The following TTC39C variants were observed in gnomAD, a reference collection of about 807,000 sequenced individuals.
The protein encoded by TTC39C is tetratricopeptide repeat protein 39C.
A neutral mutation model predicts 76.3 loss-of-function variants in TTC39C; 33 were observed. That is an observed-to-expected ratio of 0.43 (90% CI 0.33 to 0.58). TTC39C has a LOEUF of 0.58. TTC39C is among the 20% of genes least tolerant of loss of function. TTC39C has a pLI of 0.04. For synonymous variants in TTC39C, 254 were observed against 260.6 expected (o/e 0.97, Z 0.24); for missense variants, 595 against 701.4 (o/e 0.85, Z 1.71).
chr18:24,007,337 A>C (rs572538555), intron 1 of TTC39C, among the ~76,000 whole-genome samples: 16 of 152,304 alleles, frequency 1.1e-4, no homozygotes, highest in African/African-American at 3.8e-4. Context: ...AGCAGAAATA[A>C]TTCAGGTCCA....
At chr18:24,061,945 G>A (rs181204773) in intron 1 of TTC39C, among the ~76,000 whole-genome samples, 4 of 152,264 alleles carry the variant, frequency 2.6e-5, no homozygotes, top group East Asian at 1.9e-4. Flanking sequence ...ATGTTAGGTC[G>A]AGCTCTTCTA....
At position 24,045,352 on chromosome 18, in the gene TTC39C, AT is replaced by A. The variant is rs551302833; in HGVS notation, c.168-18785del. ...CATTGTAACAAGGGGGCCAGGGGGG[AT>A]TTGTGTGCACAGCAAAGTATAAGGC... On this transcript the variant is annotated intron_variant, in intron 1 of 13. Coordinates refer to ENST00000317571, the MANE Select transcript of TTC39C (RefSeq NM_001135993.2). Among the ~76,000 whole-genome samples, 249 of 150,836 alleles carry A rather than the reference AT, an allele frequency of 1.7e-3. 1 individual carries two copies. Among genetic ancestry groups the A allele is most frequent in the Admixed American group, 4.0e-3 (60 of 15,048 alleles).
At chr18:24,046,378 T>C (rs1391796004) in intron 1 of TTC39C, among the ~76,000 whole-genome samples, 2 of 151,922 alleles carry the variant, frequency 1.3e-5, no homozygotes, top group Non-Finnish European at 2.9e-5. Flanking sequence ...TCTTGTTTAC[T>C]GATTATATCC....
In TTC39C at chr18:24,080,534, A is replaced by C. The variant is rs964117564; in HGVS notation, c.461-51A>C. ...GTTCAGTATCCTTTACTATAGAAAT[A>C]GAAAAATTATTTTGAATGTTTTTGA... On this transcript the variant is annotated intron_variant, in intron 4 of 13. Transcript: ENST00000317571. 4 of 1,407,756 alleles carry C rather than the reference A, an allele frequency of 2.8e-6. No individual in the cohort carries two copies. The African/African-American group carries it at 5.8e-5, about 20-fold the overall frequency. The allele number at this position is 1,407,756 out of a possible 1,614,324, so 87.2% of individuals were successfully genotyped here.
chr18:24,109,529 G>A (rs1386222911), intron 6 of TTC39C, among the ~76,000 whole-genome samples: 1 of 152,044 alleles, frequency 6.6e-6, no homozygotes, highest in Non-Finnish European at 1.5e-5. Flanking sequence ...AAATTATGGC[G>A]ATTTAAACAT....
At chr18:24,112,987 T>G (rs1476915563) in intron 6 of TTC39C, among the ~76,000 whole-genome samples, 1 of 152,140 alleles carries the variant, frequency 6.6e-6, no homozygotes, top group Non-Finnish European at 1.5e-5. Flanking sequence ...TGTTTTGTGT[T>G]TGAGCTGTGT....
intron 6 of TTC39C, among the ~76,000 whole-genome samples, chr18:24,091,816 G>A (rs373367423): frequency 3.9e-5 from 6 of 152,032 alleles, no homozygotes; most frequent in East Asian, 1.9e-4. Context: ...GGGGGCAGGC[G>A]CGGTGGCTCA....
At chr18:24,046,350 A>G (rs2083885439) in intron 1 of TTC39C, among the ~76,000 whole-genome samples, 2 of 151,832 alleles carry the variant, frequency 1.3e-5, no homozygotes, top group African/African-American at 4.9e-5. Context: ...GCTTCAGACT[A>G]GACATTTGGG....
intron 1 of TTC39C, among the ~76,000 whole-genome samples, chr18:24,003,258 C>A (rs2083327554): frequency 6.6e-6 from 1 of 152,214 alleles, no homozygotes; most frequent in South Asian, 2.1e-4. Flanking sequence ...AGTCATCAAA[C>A]CCCTCACAGG....
chr18:24,029,878 C>T (rs533947418), intron 1 of TTC39C, among the ~76,000 whole-genome samples: 1 of 152,136 alleles, frequency 6.6e-6, no homozygotes, highest in African/African-American at 2.4e-5. Context: ...ATATTTATAC[C>T]ACATTTTCTT....
chr18:24,124,008 G>A, intron 9 of TTC39C, 65 bp downstream of exon 9: 3 of 1,243,750 alleles, frequency 2.4e-6, no homozygotes, highest in Admixed American at 2.3e-5. Context: ...ACACTGCCTT[G>A]GCAAGCTTTA....
intron 1 of TTC39C, chr18:24,022,797 C>T (rs1252489966): frequency 1.0e-5 from 10 of 985,268 alleles, no homozygotes; most frequent in Non-Finnish European, 1.2e-5. Context: ...TCCTGCTGCC[C>T]TTGTCCCTTC....
At chr18:24,044,168 A>G (rs2083834423) in intron 1 of TTC39C, among the ~76,000 whole-genome samples, 1 of 152,046 alleles carries the variant, frequency 6.6e-6, no homozygotes, top group Non-Finnish European at 1.5e-5. Context: ...GCACGGGGGC[A>G]GGTTACAGAG....
At chr18:24,111,554 C>T (rs934229727) in intron 6 of TTC39C, among the ~76,000 whole-genome samples, 5 of 143,138 alleles carry the variant, frequency 3.5e-5, no homozygotes, top group South Asian at 2.3e-4. Flanking sequence ...GGTGACAGAG[C>T]GAGACTCTGT....
At chr18:24,006,018 T>A (rs1296399600) in intron 1 of TTC39C, among the ~76,000 whole-genome samples, 1 of 145,844 alleles carries the variant, frequency 6.9e-6, no homozygotes, top group East Asian at 2.0e-4. Context: ...ACAGAATATT[T>A]TTTTTTTTTT....
intron 6 of TTC39C, among the ~76,000 whole-genome samples, chr18:24,112,387 A>G (rs1417309050): frequency 1.3e-5 from 2 of 152,214 alleles, no homozygotes; most frequent in South Asian, 2.1e-4. Flanking sequence ...CTATTAGTCA[A>G]TTGTTACCTT....
intron 1 of TTC39C, among the ~76,000 whole-genome samples, chr18:23,996,490 C>G (rs919600806): frequency 1.3e-5 from 2 of 152,202 alleles, no homozygotes; most frequent in African/African-American, 2.4e-5. Flanking sequence ...TTTCCATGAC[C>G]TCAGGTTGTT....
intron 6 of TTC39C, 77 bp downstream of exon 6, chr18:24,083,158 T>A: frequency 7.0e-7 from 1 of 1,436,072 alleles, no homozygotes; most frequent in Non-Finnish European, 9.3e-7. Flanking sequence ...GGACTGGTAT[T>A]AAAACGAGCC....
In TTC39C at chr18:24,017,227, C is replaced by G. The variant is rs562167856; in HGVS notation, c.167+2189C>G. On this transcript the variant is annotated intron_variant, in intron 1 of 13. Coordinates refer to ENST00000317571, the MANE Select transcript of TTC39C (RefSeq NM_001135993.2). Reference sequence around the variant, plus strand: ...GTGGACAATCATTGCGTTCTTCCCCCCTCCCAAAAGGTGCTTCTGATGTAT... The same window carrying G: ...GTGGACAATCATTGCGTTCTTCCCCGCTCCCAAAAGGTGCTTCTGATGTAT... 2.2e-4 allele frequency among the ~76,000 whole-genome samples: 34 copies of G among 152,260 alleles called. No homozygotes were observed. In the East Asian group the frequency reaches 4.1e-3, roughly 18 times the overall value.
Sources: gnomAD v4.1 joint callset for allele counts (sites outside exome capture counted in the v4.1 genomes callset) on GRCh38, gnomAD v4.1.1 for gene constraint, MANE v1.5 for transcripts, NCBI Gene and HGNC (gene_info 2026-07-23, HGNC 2026-07-21) for gene names.